CCDC102B: variants seen among roughly 807,000 people sequenced by gnomAD.
The protein encoded by CCDC102B is coiled-coil domain containing 102B.
A neutral mutation model predicts 57.4 loss-of-function variants in CCDC102B; 75 were observed. The observed-to-expected ratio is 1.31, with a 90% CI of 1.08 to 1.58. The LOEUF is 1.58. Ranked by LOEUF, CCDC102B falls within the 40% of genes most tolerant of loss-of-function variation. The probability of loss-of-function intolerance (pLI) is 0.00; values close to 1 mark genes in which losing one functional copy is unlikely to be tolerated. For missense variants in CCDC102B, 636 were observed against 582.6 expected, an observed-to-expected ratio of 1.09 and a Z score of -0.94; for synonymous variants, 206 against 201.9, an observed-to-expected ratio of 1.02 and a Z score of -0.17.
At chr18:68,822,254 C>T (rs2036718721) in intron 1 of CCDC102B, among the ~76,000 whole-genome samples, 1 of 151,944 alleles carries the variant, frequency 6.6e-6, no homozygotes, top group South Asian at 2.1e-4. Context: ...ATTAGCTGGT[C>T]ACAGTGGGGC....
chr18:68,748,869 G>C (rs1841896), intron 2 of CCDC102B, among the ~76,000 whole-genome samples: 43,926 of 152,024 alleles, frequency 0.29, 6,850 homozygotes, highest in East Asian at 0.53. Context: ...GAAAAGCATA[G>C]GAGGGAAATG....
At chr18:68,771,782 G>A (rs185329237) in intron 2 of CCDC102B, among the ~76,000 whole-genome samples, 123 of 151,760 alleles carry the variant, frequency 8.1e-4, no homozygotes, top group African/African-American at 2.9e-3. Context: ...GTGAAAGTAG[G>A]GGTTAAAATC....
chr18:69,013,248 ATT>A (rs60658028), intron 7 of CCDC102B, among the ~76,000 whole-genome samples: 4 of 148,278 alleles, frequency 2.7e-5, no homozygotes, highest in African/African-American at 9.8e-5. Context: ...GCTGGAGGCC[ATT>A]TTTTTTTTTA....
At chr18:68,796,845 G>GGA (rs148338399), upstream of CCDC102B, among the ~76,000 whole-genome samples, 2 of 63,056 alleles carry the variant, frequency 3.2e-5, no homozygotes. Context: ...GTACATGCAT[G>GGA]TGTGTGTGTG....
chr18:68,720,869 C>T (rs994019723), intron 2 of CCDC102B, among the ~76,000 whole-genome samples: 3 of 152,050 alleles, frequency 2.0e-5, no homozygotes, highest in Non-Finnish European at 2.9e-5. Context: ...GTCAGGAGTT[C>T]GAGATCAGCC....
chr18:68,876,195 T>A (rs1599616590), intron 5 of CCDC102B, among the ~76,000 whole-genome samples: 1 of 152,192 alleles, frequency 6.6e-6, no homozygotes, highest in East Asian at 1.9e-4. Context: ...TATAGATATT[T>A]ATTTAATATT....
intron 1 of CCDC102B, among the ~76,000 whole-genome samples, chr18:68,835,239 A>G (rs2037316244): frequency 6.6e-6 from 1 of 152,138 alleles, no homozygotes. Context: ...TAATTCCTTT[A>G]CAAAGCTTTG....
chr18:68,912,209 A>G (rs112029763), intron 6 of CCDC102B, among the ~76,000 whole-genome samples: 22 of 152,310 alleles, frequency 1.4e-4, no homozygotes, highest in Non-Finnish European at 2.4e-4. Context: ...GTCCTGGGTT[A>G]GAAAAGAGCA....
chr18:68,835,447 T>G (rs2037326548), intron 1 of CCDC102B, among the ~76,000 whole-genome samples: 1 of 152,190 alleles, frequency 6.6e-6, no homozygotes, highest in African/African-American at 2.4e-5. Flanking sequence ...TTATGTATCT[T>G]TAAAACTTAA....
At chr18:68,990,057 T>C (rs866002844) in intron 6 of CCDC102B, among the ~76,000 whole-genome samples, 2 of 152,200 alleles carry the variant, frequency 1.3e-5, no homozygotes, top group Non-Finnish European at 1.5e-5. Context: ...TTCATTCGTG[T>C]TCCAAAAAAT....
chr18:69,030,037 T>C (rs1212788186), intron 7 of CCDC102B, among the ~76,000 whole-genome samples: 3 of 151,898 alleles, frequency 2.0e-5, no homozygotes, highest in Non-Finnish European at 4.4e-5. Flanking sequence ...ATTCTGTTTA[T>C]TATTTAGTGG....
chr18:68,727,918 T>C (rs1255421266), intron 2 of CCDC102B, among the ~76,000 whole-genome samples: 2 of 152,218 alleles, frequency 1.3e-5, no homozygotes, highest in Admixed American at 6.5e-5. Flanking sequence ...GTCTAGCAAG[T>C]GGACTGTAGA....
intron 6 of CCDC102B, among the ~76,000 whole-genome samples, chr18:68,999,177 C>G (rs887206112): frequency 1.3e-5 from 2 of 151,796 alleles, no homozygotes; most frequent in African/African-American, 2.4e-5. Context: ...GAAAAAAACA[C>G]TGGAGATGGA....
At position 68,837,032 on chromosome 18, in the gene CCDC102B, A is replaced by C. The variant is rs768757753; in HGVS notation, c.269A>C (p.Lys90Thr). 1 of 1,614,184 alleles carries C rather than the reference A, an allele frequency of 6.2e-7. No homozygotes were observed. Among genetic ancestry groups the C allele is most frequent in the Non-Finnish European group, 8.5e-7 (1 of 1,180,026 alleles). The change falls in exon 2 of 8, where the codon AAG becomes ACG. Residue 90 changes from lysine (K) to threonine (T), a missense_variant. Coordinates refer to ENST00000360242, the MANE Select transcript of CCDC102B (RefSeq NM_024781.3). ...AAGGCCAGAGCTGCTCAGATGGAAA[A>C]GACCATGCGGTGGTGGTCGGACTGC... The part of the protein sequence containing the change: ...EVKARAAQME[K>T]TMRWWSDCTA...
chr18:68,788,239 T>G (rs1198013308), intron 2 of CCDC102B, among the ~76,000 whole-genome samples: 1 of 152,178 alleles, frequency 6.6e-6, no homozygotes, highest in Non-Finnish European at 1.5e-5. Flanking sequence ...GAGGAGAGCT[T>G]TACTTCCAAG....
intron 6 of CCDC102B, among the ~76,000 whole-genome samples, chr18:68,965,644 T>G (rs1369912631): frequency 4.0e-5 from 6 of 151,668 alleles, no homozygotes; most frequent in Non-Finnish European, 8.8e-5. Context: ...CCAGTCACTA[T>G]TTATAAAATT....
chr18:68,910,222 C>T (rs767446309), intron 6 of CCDC102B, among the ~76,000 whole-genome samples: 10 of 152,128 alleles, frequency 6.6e-5, no homozygotes, highest in Non-Finnish European at 1.5e-4. Context: ...CAATCTGGTA[C>T]GTGGAGATTG....
chr18:69,049,446 G>A (rs551289961), intron 7 of CCDC102B, among the ~76,000 whole-genome samples: 1 of 152,092 alleles, frequency 6.6e-6, no homozygotes, highest in Non-Finnish European at 1.5e-5. Context: ...CTAAGGATTA[G>A]CAATCTACTT....
chr18:68,946,092 A>T (rs1568345911), intron 6 of CCDC102B, among the ~76,000 whole-genome samples: 1 of 152,022 alleles, frequency 6.6e-6, no homozygotes, highest in East Asian at 1.9e-4. Flanking sequence ...TCATATTTTA[A>T]CATATTACAA....
Sources: allele counts gnomAD v4.1 joint callset (sites outside exome capture counted in the v4.1 genomes callset), GRCh38; gene constraint gnomAD v4.1.1; transcripts MANE v1.5; gene names NCBI Gene and HGNC (gene_info 2026-07-23, HGNC 2026-07-21).